The following SMIM23 variants were observed in gnomAD, a reference collection of about 807,000 sequenced individuals.
SMIM23 encodes the protein CTB-78H18.1.
In SMIM23, 10 loss-of-function variants were observed where a neutral mutation model predicts 12.8. The ratio of observed to expected loss-of-function variants is 0.78; its 90% CI spans 0.48 to 1.32. SMIM23 has a LOEUF of 1.32. SMIM23 is among the 40% of genes most tolerant of loss of function. The pLI is 0.00. For synonymous variants in SMIM23, 78 were observed against 80.1 expected (o/e 0.97, Z 0.14); for missense variants, 184 against 198.2 (o/e 0.93, Z 0.43).
At chr5:171,790,752 A>G (rs1436160273) in intron 3 of SMIM23, 43 bp from the exon 4 acceptor site, 1 of 1,533,640 alleles carries the variant, frequency 6.5e-7, no homozygotes, top group African/African-American at 1.4e-5. Context: ...GGAGGGTCCT[A>G]TCTGAGAAAG....
chr5:171,790,587 G>A (rs1755904392), intron 3 of SMIM23, 38 bp downstream of exon 3: 1 of 1,526,398 alleles, frequency 6.6e-7, no homozygotes, highest in South Asian at 1.2e-5. Flanking sequence ...GAGGCAATCT[G>A]GGAAGGCTTT....
chr5:171,790,117 CA>C (rs1755894123), intron 1 of SMIM23, 112 bp from the exon 2 acceptor site: 1 of 1,083,366 alleles, frequency 9.2e-7, no homozygotes, highest in Non-Finnish European at 1.3e-6. Context: ...AAGTTAAACT[CA>C]AAAAACTGTC....
upstream of SMIM23, among the ~76,000 whole-genome samples, chr5:171,783,954 C>T (rs370006893): frequency 6.6e-6 from 1 of 152,090 alleles, no homozygotes; most frequent in Non-Finnish European, 1.5e-5. Context: ...TATGAAAAGA[C>T]GTTCGGGCAG....
At chr5:171,786,147 C>A (rs1371427280) in intron 1 of SMIM23, among the ~76,000 whole-genome samples, 171 bp downstream of exon 1, 3 of 152,204 alleles carry the variant, frequency 2.0e-5, no homozygotes, top group Non-Finnish European at 4.4e-5. Flanking sequence ...CCGGGGCCAT[C>A]ACTGACACTG....
chr5:171,790,263 T>C lies in SMIM23; in HGVS notation c.139T>C (p.Leu47=), dbSNP rs1755897404. The C allele has an allele frequency of 3.3e-6, 5 of 1,536,020 alleles. No individual in the cohort carries two copies. The highest frequency in any genetic ancestry group is 3.5e-6 in the Non-Finnish European group (4 of 1,146,928). Residue 47 remains leucine (L), a synonymous_variant, in exon 2 of 4, where the codon TTG becomes CTG. Transcript: ENST00000523047. The part of the protein sequence containing the change: ...LLALLILVLY[L]STEIWGSSWE... ...GGCATTGCTGATCTTGGTGCTGTAC[T>C]TGAGCACAGAGATATGGGGTGAGCA...
intron 1 of SMIM23, 66 bp downstream of exon 1, chr5:171,786,042 C>T (rs1755811007): frequency 8.0e-7 from 1 of 1,257,682 alleles, no homozygotes; most frequent in Non-Finnish European, 1.1e-6. Context: ...TCCAGACAGA[C>T]TAGAAGTCCC....
the SMIM23 span, among the ~76,000 whole-genome samples, chr5:171,777,411 G>C: frequency 1.3e-5 from 2 of 152,030 alleles, no homozygotes; most frequent in East Asian, 1.9e-4. Context: ...TCCACTGTTC[G>C]CAGTTCTTTA....
chr5:171,778,459 A>T (rs868574811), upstream of SMIM23, among the ~76,000 whole-genome samples: 358 of 145,620 alleles, frequency 2.5e-3, 1 homozygote, highest in African/African-American at 8.7e-3. Flanking sequence ...ACACACACAC[A>T]CACACACACA....
intron 1 of SMIM23, among the ~76,000 whole-genome samples, chr5:171,787,004 CTTTTTT>C (rs202159150): frequency 8.4e-5 from 6 of 71,258 alleles, no homozygotes; most frequent in African/African-American, 9.8e-5. Flanking sequence ...CCATTGTTTC[CTTTTTT>C]TTTTTTTTTT....
At chr5:171,790,144 T>C (rs1755894650) in intron 1 of SMIM23, 86 bp from the exon 2 acceptor site, 1 of 1,320,220 alleles carries the variant, frequency 7.6e-7, no homozygotes, top group African/African-American at 1.5e-5. Context: ...AGCATTCCCA[T>C]GTCTGGCCCT....
chr5:171,787,449 C>T (rs935268238), intron 1 of SMIM23, among the ~76,000 whole-genome samples: 1 of 152,208 alleles, frequency 6.6e-6, no homozygotes, highest in Non-Finnish European at 1.5e-5. Flanking sequence ...CCATGTTCCT[C>T]CCTTTGCCTC....
chr5:171,788,961 T>C (rs702079), intron 1 of SMIM23, among the ~76,000 whole-genome samples: 1,762 of 152,308 alleles, frequency 0.012, 40 homozygotes, highest in African/African-American at 0.04. Context: ...TGCCTCAGCC[T>C]CCCGAGTAGC....
intron 3 of SMIM23, 57 bp downstream of exon 3, chr5:171,790,606 G>A: frequency 2.7e-6 from 4 of 1,483,284 alleles, no homozygotes; most frequent in Non-Finnish European, 3.6e-6. Context: ...TTCCAGAGGA[G>A]GTGTCATTGG....
rs1188940286 is a variant in SMIM23, at chr5:171,785,940, A to G, written c.69A>G (p.Glu23=). 5.9e-6 allele frequency: 9 copies of G among 1,536,074 alleles called. No homozygotes were observed. In the African/African-American group the frequency reaches 1.2e-4, roughly 21 times the overall value. The change falls in exon 1 of 4, where the codon GAA becomes GAG. Residue 23 remains glutamate, a synonymous_variant. Coordinates refer to ENST00000523047, the MANE Select transcript of SMIM23 (RefSeq NM_001289970.2). ...AGCAGGTGGCAGCCCAGCTGCTTGAACGGAGAAGGGGCAGCCACTGTGATG... is the reference window on the plus strand; with the variant it reads ...AGCAGGTGGCAGCCCAGCTGCTTGAGCGGAGAAGGGGCAGCCACTGTGATG... The part of the protein sequence containing the change: ...AAEQVAAQLL[E]RRRGSHCDDE...
chr5:171,779,333 C>T (rs573155817), upstream of SMIM23, among the ~76,000 whole-genome samples: 259 of 152,354 alleles, frequency 1.7e-3, no homozygotes, highest in Non-Finnish European at 3.1e-3. Context: ...CATGCCCTTT[C>T]GTTTCACACC....
upstream of SMIM23, among the ~76,000 whole-genome samples, chr5:171,778,610 G>A (rs1365110435): frequency 6.6e-6 from 1 of 152,092 alleles, no homozygotes; most frequent in African/African-American, 2.4e-5. Flanking sequence ...TTGAAGAATG[G>A]GTTCCCCCTG....
chr5:171,774,277 C>G, the SMIM23 span: 1 of 389,714 alleles, frequency 2.6e-6, no homozygotes, highest in Admixed American at 2.9e-5. Flanking sequence ...TCAGAGATCC[C>G]ATGCTTGCTC....
chr5:171,774,175 T>C, the SMIM23 span, among the ~76,000 whole-genome samples: 1 of 152,204 alleles, frequency 6.6e-6, no homozygotes, highest in African/African-American at 2.4e-5. Flanking sequence ...GCTGTTACTG[T>C]CCTAACACCT....
Position 171,785,966 on chromosome 5 carries a change from A to T in SMIM23, c.95A>T (p.Asp32Val). Residue 32 changes from aspartate to valine, a missense_variant, in exon 1 of 4, where the codon GAC becomes GTC. By Grantham distance (152) the Asp-to-Val change is radical. Coordinates refer to ENST00000523047, the MANE Select transcript of SMIM23 (RefSeq NM_001289970.2). ...CGGAGAAGGGGCAGCCACTGTGATG[A>T]CGAGAAGCAGGTGAGGCCAGGCCAG... ...LERRRGSHCD[D>V]EKQTLLALLI... The T allele has an allele frequency of 6.5e-7, 1 of 1,536,386 alleles. No individual in the cohort carries two copies. The highest frequency in any genetic ancestry group is 8.7e-7 in the Non-Finnish European group (1 of 1,146,928).
Sources: gnomAD v4.1 joint callset for allele counts (sites outside exome capture counted in the v4.1 genomes callset) on GRCh38, gnomAD v4.1.1 for gene constraint, MANE v1.5 for transcripts, NCBI Gene and HGNC (gene_info 2026-07-23, HGNC 2026-07-21) for gene names.